ZNF532: variants seen among roughly 807,000 people sequenced by gnomAD.
The protein encoded by ZNF532 is zinc finger protein 532.
Under a neutral mutation model 89.3 loss-of-function variants are expected in ZNF532, and 22 were observed. That is an observed-to-expected ratio of 0.25 (90% CI 0.18 to 0.35). The LOEUF (loss-of-function observed/expected upper bound fraction) is 0.35, where lower values mean the gene tolerates loss of function less well. Ranked by LOEUF, ZNF532 falls within the 10% of genes least tolerant of loss-of-function variation. The pLI, the probability that ZNF532 is intolerant of heterozygous loss-of-function variation, is 1.00. For missense variants in ZNF532, 1,132 were observed against 1,643.4 expected (o/e 0.69, Z 5.38); for synonymous variants, 606 against 649.6 (o/e 0.93, Z 1.02).
At chr18:58,971,334 T>C (rs1008995198) in intron 7 of ZNF532, among the ~76,000 whole-genome samples, 2 of 152,236 alleles carry the variant, frequency 1.3e-5, no homozygotes, top group African/African-American at 4.8e-5. Context: ...ATTATCTACA[T>C]AAATTTACAT....
intron 2 of ZNF532, among the ~76,000 whole-genome samples, chr18:58,916,883 GAAA>G (rs535707579): frequency 1.3e-5 from 2 of 149,572 alleles, no homozygotes; most frequent in African/African-American, 4.9e-5. Flanking sequence ...GATTGTACAA[GAAA>G]AAAAAAATCA....
At chr18:58,869,025 T>TAC (rs2056738779) in intron 2 of ZNF532, among the ~76,000 whole-genome samples, 7 of 152,228 alleles carry the variant, frequency 4.6e-5, no homozygotes, top group African/African-American at 1.7e-4. Context: ...GTGGTAACTA[T>TAC]TTGTGTTTCT....
At chr18:58,883,882 A>G (rs774271725) in intron 2 of ZNF532, among the ~76,000 whole-genome samples, 3 of 152,294 alleles carry the variant, frequency 2.0e-5, no homozygotes, top group Non-Finnish European at 4.4e-5. Flanking sequence ...TTGTAGTAAG[A>G]ACAATACTTC....
At chr18:58,885,145 C>T (rs1388369644) in intron 2 of ZNF532, among the ~76,000 whole-genome samples, 1 of 152,028 alleles carries the variant, frequency 6.6e-6, no homozygotes, top group African/African-American at 2.4e-5. Context: ...TGTGCCACCA[C>T]GCCTGGCTAA....
chr18:58,885,886 A>C (rs1208893612), intron 2 of ZNF532, among the ~76,000 whole-genome samples: 1 of 152,156 alleles, frequency 6.6e-6, no homozygotes, highest in Non-Finnish European at 1.5e-5. Flanking sequence ...TAAAAGCTCA[A>C]AATTTCCCTC....
intron 5 of ZNF532, among the ~76,000 whole-genome samples, chr18:58,942,754 A>G (rs4940778): frequency 0.21 from 32,130 of 152,122 alleles, 4,065 homozygotes; most frequent in East Asian, 0.56. Flanking sequence ...ATCCATCTCT[A>G]TTCTGTTTAC....
chr18:58,908,984 G>A (rs148203120), intron 2 of ZNF532, among the ~76,000 whole-genome samples: 3 of 152,104 alleles, frequency 2.0e-5, no homozygotes, highest in African/African-American at 7.2e-5. Context: ...ATGGAGTTTC[G>A]CTCTTGTCCC....
At chr18:58,970,487 T>C (rs1333606371) in intron 7 of ZNF532, among the ~76,000 whole-genome samples, 1 of 152,130 alleles carries the variant, frequency 6.6e-6, no homozygotes, top group African/African-American at 2.4e-5. Flanking sequence ...TTGAGCCAGA[T>C]CTAGACAAAT....
At chr18:58,934,698 T>G in intron 4 of ZNF532, 84 bp downstream of exon 4, 1 of 1,368,468 alleles carries the variant, frequency 7.3e-7, no homozygotes, top group Non-Finnish European at 1.0e-6. Flanking sequence ...ACACACAGTT[T>G]TCTGGGTCAT....
intron 3 of ZNF532, among the ~76,000 whole-genome samples, chr18:58,929,351 A>G (rs1157194796): frequency 6.6e-6 from 1 of 152,142 alleles, no homozygotes; most frequent in East Asian, 1.9e-4. Context: ...CGTTAATACA[A>G]CATACTAACT....
At chr18:58,954,501 A>C (rs1014545892) in intron 7 of ZNF532, among the ~76,000 whole-genome samples, 3 of 152,178 alleles carry the variant, frequency 2.0e-5, no homozygotes, top group African/African-American at 7.2e-5. Context: ...GTCAGGACCC[A>C]AAAAGTCCAT....
At chr18:58,964,326 G>A (rs2065683700) in intron 7 of ZNF532, 1 of 152,102 alleles carries the variant, frequency 6.6e-6, no homozygotes, top group Admixed American at 6.5e-5. Context: ...CAAGGTTTTA[G>A]GAGAAATATC....
chr18:58,959,641 A>G (rs953889658), intron 7 of ZNF532, among the ~76,000 whole-genome samples: 1 of 152,130 alleles, frequency 6.6e-6, no homozygotes, highest in African/African-American at 2.4e-5. Flanking sequence ...ATATTCTGGC[A>G]CCACAACTAC....
intron 7 of ZNF532, among the ~76,000 whole-genome samples, chr18:58,967,330 T>TCCCTGGAGCCC (rs1229141529): frequency 6.6e-6 from 1 of 152,226 alleles, no homozygotes; most frequent in Non-Finnish European, 1.5e-5. Flanking sequence ...CTCCATGATC[T>TCCCTGGAGCCC]TACCCTGCCT....
Position 58,918,772 on chromosome 18 carries a change from A to G in ZNF532, c.485A>G (p.Asn162Ser). The change falls in exon 3 of 10, where the codon AAT becomes AGT. Residue 162 changes from asparagine (N) to serine (S), a missense_variant. Transcript: ENST00000591808. ...KEDMRSSFRS[N>S]VLTGSAPQQD... is the part of the protein sequence containing the mutation. ...GACATGCGATCAAGCTTCAGGTCGA[A>G]TGTGTTGACGGGGTCGGCTCCCCAG... The G allele has an allele frequency of 6.2e-7, 1 of 1,614,186 alleles. No homozygotes were observed. Among genetic ancestry groups the G allele is most frequent in the Non-Finnish European group, 8.5e-7 (1 of 1,180,030 alleles).
At chr18:58,951,509 A>T (rs1904309325) in intron 6 of ZNF532, among the ~76,000 whole-genome samples, 1 of 152,166 alleles carries the variant, frequency 6.6e-6, no homozygotes, top group Admixed American at 6.5e-5. Flanking sequence ...AAGAGCAATG[A>T]AACACAGAAG....
intron 3 of ZNF532, among the ~76,000 whole-genome samples, chr18:58,920,965 G>T (rs1160691666): frequency 1.3e-5 from 2 of 152,020 alleles, no homozygotes; most frequent in Non-Finnish European, 2.9e-5. Flanking sequence ...GCGTGTGCCT[G>T]TTGCGCCAGC....
At chr18:58,903,918 A>G (rs1233038731) in intron 2 of ZNF532, among the ~76,000 whole-genome samples, 1 of 152,254 alleles carries the variant, frequency 6.6e-6, no homozygotes, top group Non-Finnish European at 1.5e-5. Flanking sequence ...ATTGCCCTTT[A>G]GAGATTTAAG....
At chr18:58,983,243 G>C (rs1475418126) in intron 9 of ZNF532, among the ~76,000 whole-genome samples, 2 of 152,194 alleles carry the variant, frequency 1.3e-5, no homozygotes, top group Admixed American at 6.5e-5. Flanking sequence ...AGGGGATTCA[G>C]AGTGGGATTT....
Sources: allele counts gnomAD v4.1 joint callset (sites outside exome capture counted in the v4.1 genomes callset), GRCh38; gene constraint gnomAD v4.1.1; transcripts MANE v1.5; gene names NCBI Gene and HGNC (gene_info 2026-07-23, HGNC 2026-07-21).